The following CNTN1 variants were observed in gnomAD, a reference collection of about 807,000 sequenced individuals.
The protein encoded by CNTN1 is contactin-1.
CNTN1 carries 38 observed loss-of-function variants against 126.4 expected under a neutral mutation model. That is an observed-to-expected ratio of 0.30 (90% CI 0.23 to 0.39). The LOEUF is 0.39. Ranked by LOEUF, CNTN1 falls within the 10% of genes least tolerant of loss-of-function variation. The pLI, the probability that CNTN1 is intolerant of heterozygous loss-of-function variation, is 1.00. For missense variants in CNTN1, 1,009 were observed against 1,248.4 expected, an observed-to-expected ratio of 0.81 and a Z score of 2.89; for synonymous variants, 413 against 422.6, an observed-to-expected ratio of 0.98 and a Z score of 0.28.
chr12:40,993,066 A>T (rs564102047), intron 16 of CNTN1, 54 bp from the exon 17 acceptor site: 2 of 1,514,926 alleles, frequency 1.3e-6, no homozygotes, highest in South Asian at 2.3e-5. Flanking sequence ...GGGAAGTTAT[A>T]AAAGTGATAA....
chr12:41,058,690 A>C (rs187032257), intron 23 of CNTN1, among the ~76,000 whole-genome samples: 99 of 152,268 alleles, frequency 6.5e-4, no homozygotes, highest in Non-Finnish European at 1.2e-3. Flanking sequence ...TCAGAAAAGA[A>C]GGAAGTCTGA....
chr12:40,874,292 TATC>T (rs968299757), intron 1 of CNTN1, among the ~76,000 whole-genome samples: 9 of 152,212 alleles, frequency 5.9e-5, no homozygotes, highest in Admixed American at 2.6e-4. Flanking sequence ...ACGTATTAGT[TATC>T]ATTATTTTTA....
chr12:40,731,427 C>T lies in CNTN1; in HGVS notation c.-77+38835C>T, dbSNP rs186391802. On this transcript the variant is annotated intron_variant, in intron 1 of 23. Coordinates refer to ENST00000551295, the MANE Select transcript of CNTN1 (RefSeq NM_001843.4). ...CCATGGGGAAAATGGATAAAGCAAC[C>T]GTTAATTTTCAAAACACCATTGGTC... Among the ~76,000 whole-genome samples, 10 of 151,912 alleles carry T rather than the reference C, an allele frequency of 6.6e-5. No individual in the cohort carries two copies. In the East Asian group the frequency reaches 9.7e-4, roughly 15 times the overall value.
intron 1 of CNTN1, among the ~76,000 whole-genome samples, chr12:40,886,266 A>C (rs1314838428): frequency 6.6e-6 from 1 of 150,698 alleles, no homozygotes; most frequent in African/African-American, 2.5e-5. Context: ...CACTGGGATA[A>C]AAAACAGACC....
At chr12:41,008,519 T>G (rs185459373) in intron 17 of CNTN1, among the ~76,000 whole-genome samples, 1 of 152,306 alleles carries the variant, frequency 6.6e-6, no homozygotes, top group Admixed American at 6.5e-5. Context: ...AAATATGTCA[T>G]TGGGTGGCTA....
intron 1 of CNTN1, among the ~76,000 whole-genome samples, chr12:40,738,371 A>T (rs576266255): frequency 5.9e-5 from 9 of 152,080 alleles, no homozygotes; most frequent in Admixed American, 1.3e-4. Context: ...AATCAAGTCC[A>T]TTAGAATTTT....
At chr12:40,721,886 A>AT (rs1174541419) in intron 1 of CNTN1, among the ~76,000 whole-genome samples, 4 of 150,796 alleles carry the variant, frequency 2.7e-5, no homozygotes, top group Non-Finnish European at 5.9e-5. Context: ...TGAACTCATC[A>AT]TTTTTTATGG....
intron 15 of CNTN1, among the ~76,000 whole-genome samples, chr12:40,980,597 A>C (rs1246728088): frequency 6.6e-6 from 1 of 152,172 alleles, no homozygotes; most frequent in Non-Finnish European, 1.5e-5. Flanking sequence ...AAATCATGCT[A>C]TGCTACAATC....
intron 1 of CNTN1, among the ~76,000 whole-genome samples, chr12:40,888,621 A>C (rs568429925): frequency 9.9e-5 from 15 of 152,240 alleles, no homozygotes; most frequent in East Asian, 7.7e-4. Context: ...ACAACAACAA[A>C]AAAAGGAAGT....
chr12:40,827,451 A>T (rs971276660), intron 1 of CNTN1, among the ~76,000 whole-genome samples: 1 of 152,134 alleles, frequency 6.6e-6, no homozygotes, highest in Non-Finnish European at 1.5e-5. Context: ...TTATAGCCAC[A>T]TATTTTCTCT....
chr12:40,763,779 T>C (rs1289962682), intron 1 of CNTN1, among the ~76,000 whole-genome samples: 1 of 152,348 alleles, frequency 6.6e-6, no homozygotes, highest in Middle Eastern at 3.4e-3. Flanking sequence ...ACTGAAAATA[T>C]GTTGAATTAT....
At chr12:40,731,389 A>G (rs1473997433) in intron 1 of CNTN1, among the ~76,000 whole-genome samples, 1 of 152,066 alleles carries the variant, frequency 6.6e-6, no homozygotes, top group Non-Finnish European at 1.5e-5. Context: ...TTGATTTGAC[A>G]GATAATATAA....
intron 1 of CNTN1, among the ~76,000 whole-genome samples, chr12:40,844,456 C>T (rs1157558061): frequency 6.6e-6 from 1 of 152,040 alleles, no homozygotes; most frequent in Non-Finnish European, 1.5e-5. Context: ...ATGTAGCCCT[C>T]ACCTATGAAA....
At chr12:41,049,943 T>G (rs1344728925) in intron 23 of CNTN1, among the ~76,000 whole-genome samples, 1 of 152,186 alleles carries the variant, frequency 6.6e-6, no homozygotes, top group African/African-American at 2.4e-5. Flanking sequence ...TATCACCCAG[T>G]CTGGAGTGCA....
intron 1 of CNTN1, among the ~76,000 whole-genome samples, chr12:40,887,317 GA>G (rs1195107055): frequency 6.6e-6 from 1 of 151,648 alleles, no homozygotes; most frequent in Admixed American, 6.6e-5. Flanking sequence ...GAATTTACAA[GA>G]AAAAAACAAA....
intron 1 of CNTN1, among the ~76,000 whole-genome samples, chr12:40,899,751 T>A (rs1313137383): frequency 1.3e-5 from 2 of 152,222 alleles, no homozygotes; most frequent in South Asian, 2.1e-4. Context: ...ATATTAAGAC[T>A]ATTCTTCAAG....
chr12:40,939,086 T>G (rs1946176693), intron 11 of CNTN1, among the ~76,000 whole-genome samples: 1 of 152,198 alleles, frequency 6.6e-6, no homozygotes, highest in African/African-American at 2.4e-5. Context: ...CTAATTAAAG[T>G]TTCTAATAAT....
At chr12:40,800,481 T>A (rs1328094693) in intron 1 of CNTN1, among the ~76,000 whole-genome samples, 1 of 151,992 alleles carries the variant, frequency 6.6e-6, no homozygotes, top group Non-Finnish European at 1.5e-5. Context: ...TCTTTAATTA[T>A]CCTTATTAAA....
At chr12:40,959,292 T>C (rs984080050) in intron 15 of CNTN1, 58 bp downstream of exon 15, 2 of 1,580,680 alleles carry the variant, frequency 1.3e-6, no homozygotes, top group Non-Finnish European at 8.7e-7. Context: ...TGCATAAACA[T>C]GTATAATCTT....
Sources: gnomAD v4.1 joint callset for allele counts (sites outside exome capture counted in the v4.1 genomes callset) on GRCh38, gnomAD v4.1.1 for gene constraint, MANE v1.5 for transcripts, NCBI Gene and HGNC (gene_info 2026-07-23, HGNC 2026-07-21) for gene names.